Variants in FBXW11 observed in about 807,000 individuals in gnomAD.
FBXW11 encodes the protein F-box and WD repeat domain containing 11, also known as F-box/WD repeat-containing protein 11.
In FBXW11, 19 loss-of-function variants were observed where a neutral mutation model predicts 77.6. The ratio of observed to expected loss-of-function variants is 0.24; its 90% CI spans 0.17 to 0.36. The LOEUF is 0.36. FBXW11 is among the 10% of genes least tolerant of loss of function. The pLI, the probability that FBXW11 is intolerant of heterozygous loss-of-function variation, is 1.00. For missense variants in FBXW11, 334 were observed against 704.2 expected, an observed-to-expected ratio of 0.47 and a Z score of 5.95; for synonymous variants, 235 against 249.4, an observed-to-expected ratio of 0.94 and a Z score of 0.54.
At chr5:171,965,371 C>CA (rs1474396032) in intron 1 of FBXW11, among the ~76,000 whole-genome samples, 2 of 151,786 alleles carry the variant, frequency 1.3e-5, no homozygotes, top group African/African-American at 2.4e-5. Context: ...CTAAAAATTA[C>CA]AAAAAATTAG....
intron 1 of FBXW11, among the ~76,000 whole-genome samples, chr5:171,982,423 T>A (rs1305376208): frequency 6.6e-6 from 1 of 152,124 alleles, no homozygotes. Context: ...ATTACAGGAA[T>A]GCACCACCAC....
At chr5:171,978,034 A>AGTTG (rs1764933907) in intron 1 of FBXW11, among the ~76,000 whole-genome samples, 1 of 152,194 alleles carries the variant, frequency 6.6e-6, no homozygotes, top group Non-Finnish European at 1.5e-5. Context: ...GCTCCTAAGG[A>AGTTG]GTTGACACTT....
chr5:172,001,800 G>A (rs1432136462), intron 1 of FBXW11, among the ~76,000 whole-genome samples: 1 of 152,206 alleles, frequency 6.6e-6, no homozygotes, highest in Non-Finnish European at 1.5e-5. Flanking sequence ...AGAGAAGATT[G>A]CTGAGATATA....
chr5:171,907,029 A>G (rs1760573261), intron 4 of FBXW11, among the ~76,000 whole-genome samples: 1 of 152,222 alleles, frequency 6.6e-6, no homozygotes. Context: ...TCCTTTTTGA[A>G]GTACAATCTG....
At chr5:172,005,193 A>G (rs1447629979) in intron 1 of FBXW11, among the ~76,000 whole-genome samples, 1 of 152,110 alleles carries the variant, frequency 6.6e-6, no homozygotes, top group African/African-American at 2.4e-5. Flanking sequence ...CTCAATAAAC[A>G]TTTTCACACT....
chr5:171,894,443 T>C (rs1295878654), intron 6 of FBXW11, among the ~76,000 whole-genome samples: 1 of 152,230 alleles, frequency 6.6e-6, no homozygotes, highest in Admixed American at 6.5e-5. Flanking sequence ...CCTAGGCCTG[T>C]TTTAGAATCA....
intron 1 of FBXW11, among the ~76,000 whole-genome samples, chr5:171,987,426 A>G (rs1765504961): frequency 6.6e-6 from 1 of 151,890 alleles, no homozygotes; most frequent in African/African-American, 2.4e-5. Context: ...TCGAGCCTCA[A>G]AGGGTAAGTT....
At chr5:171,986,735 A>T (rs1468664900) in intron 1 of FBXW11, among the ~76,000 whole-genome samples, 1 of 48,130 alleles carries the variant, frequency 2.1e-5, no homozygotes, top group African/African-American at 3.1e-5. Flanking sequence ...TCAAAAAAAA[A>T]AGAAAAAAAA....
chr5:171,981,193 GGCAAACATAT>G (rs1765126577), intron 1 of FBXW11, among the ~76,000 whole-genome samples: 1 of 151,892 alleles, frequency 6.6e-6, no homozygotes, highest in Non-Finnish European at 1.5e-5. Context: ...CTTCTGGGAT[GGCAAACATAT>G]GCCTCTACCA....
At chr5:171,946,025 T>C (rs1204228607) in intron 2 of FBXW11, among the ~76,000 whole-genome samples, 1 of 152,172 alleles carries the variant, frequency 6.6e-6, no homozygotes, top group African/African-American at 2.4e-5. Context: ...TGATTAACAT[T>C]TACAATCAGT....
intron 1 of FBXW11, among the ~76,000 whole-genome samples, chr5:171,996,578 G>A (rs1433788705): frequency 6.6e-6 from 1 of 152,174 alleles, no homozygotes; most frequent in Non-Finnish European, 1.5e-5. Context: ...CAGGAAGATC[G>A]TGTGAGGCCA....
At chr5:171,939,696 C>CAAA (rs58051402) in intron 2 of FBXW11, among the ~76,000 whole-genome samples, 136 of 79,196 alleles carry the variant, frequency 1.7e-3, no homozygotes, top group East Asian at 2.3e-3. Context: ...GACCCTGTCT[C>CAAA]AAAAAAAAAA....
intron 1 of FBXW11, among the ~76,000 whole-genome samples, chr5:171,966,014 T>C (rs1307218034): frequency 6.6e-6 from 1 of 152,132 alleles, no homozygotes; most frequent in African/African-American, 2.4e-5. Context: ...TGGTAAGACA[T>C]GCTTGTTTCC....
rs141296783 is a variant in FBXW11, at chr5:172,002,546, C to G, written c.45+3912G>C. On this transcript the variant is annotated intron_variant, in intron 1 of 13. Coordinates refer to ENST00000517395, the MANE Select transcript of FBXW11 (RefSeq NM_001378974.1). The stretch of plus-strand genomic sequence containing the variant: ...TGCTACATGAGGAGAAAGGTGGTGA[C>G]AAAGTAATATCCAATTTCTTGATGA... 2.6e-4 allele frequency among the ~76,000 whole-genome samples: 39 copies of G among 148,750 alleles called. No individual in the cohort carries two copies. The East Asian group carries it at 7.7e-3, about 29-fold the overall frequency.
chr5:171,865,051 C>A (rs1757301887), intron 13 of FBXW11, among the ~76,000 whole-genome samples: 1 of 151,272 alleles, frequency 6.6e-6, no homozygotes, highest in Non-Finnish European at 1.5e-5. Flanking sequence ...TCAATTTACA[C>A]AAAGATCAAG....
chr5:171,921,143 T>C (rs1479396385), intron 2 of FBXW11, among the ~76,000 whole-genome samples: 5 of 152,216 alleles, frequency 3.3e-5, no homozygotes, highest in Non-Finnish European at 7.4e-5. Context: ...CTTCTGTACA[T>C]TCCCCCTTCT....
At chr5:171,948,431 C>A (rs1217059931) in intron 2 of FBXW11, among the ~76,000 whole-genome samples, 1 of 151,364 alleles carries the variant, frequency 6.6e-6, no homozygotes, top group Non-Finnish European at 1.5e-5. Context: ...TCTAAAATCT[C>A]TGCCATTAAA....
At chr5:171,997,623 A>C (rs1362563123) in intron 1 of FBXW11, among the ~76,000 whole-genome samples, 2 of 152,256 alleles carry the variant, frequency 1.3e-5, no homozygotes, top group African/African-American at 4.8e-5. Flanking sequence ...CTTCTGACTC[A>C]GTAAAGGCCA....
chr5:171,929,030 G>C (rs757235117), intron 2 of FBXW11, among the ~76,000 whole-genome samples: 4 of 151,822 alleles, frequency 2.6e-5, no homozygotes, highest in Non-Finnish European at 5.9e-5. Context: ...CTGAGGTCGT[G>C]CCACTGCACT....
Sources: allele counts gnomAD v4.1 joint callset (sites outside exome capture counted in the v4.1 genomes callset), GRCh38; gene constraint gnomAD v4.1.1; transcripts MANE v1.5; gene names NCBI Gene and HGNC (gene_info 2026-07-23, HGNC 2026-07-21).